Variants in DGKD observed in about 807,000 individuals in gnomAD.
DGKD encodes the protein diacylglycerol kinase delta, also known as DAG kinase delta.
A neutral mutation model predicts 154.4 loss-of-function variants in DGKD; 68 were observed. That is an observed-to-expected ratio of 0.44 (90% CI 0.36 to 0.54). The LOEUF is 0.54. Ranked by LOEUF, DGKD falls within the 20% of genes least tolerant of loss-of-function variation. The pLI, the probability that DGKD is intolerant of heterozygous loss-of-function variation, is 0.00. For missense variants in DGKD, 1,343 were observed against 1,593.6 expected, an observed-to-expected ratio of 0.84 and a Z score of 2.68; for synonymous variants, 693 against 638.0, an observed-to-expected ratio of 1.09 and a Z score of -1.30.
chr2:233,444,937 G>C (rs939375645), intron 10 of DGKD, among the ~76,000 whole-genome samples: 3 of 152,046 alleles, frequency 2.0e-5, no homozygotes, highest in African/African-American at 7.3e-5. Flanking sequence ...GCTCTGGGCA[G>C]TGGGCATTTT....
intron 27 of DGKD, among the ~76,000 whole-genome samples, 200 bp from the exon 28 acceptor site, chr2:233,466,886 G>GAAACCACTTTA (rs1374453234): frequency 1.4e-4 from 21 of 152,326 alleles, no homozygotes; most frequent in Admixed American, 8.5e-4. Flanking sequence ...TGATCACTTT[G>GAAACCACTTTA]AAACCACTTT....
rs1482434796 is a variant in DGKD at position 233,469,446 on chromosome 2, G to A, written c.3631G>A (p.Ala1211Thr). 5 of 1,601,228 alleles carry A rather than the reference G, an allele frequency of 3.1e-6. No individual in the cohort carries two copies. The South Asian group carries it at 3.4e-5, about 11-fold the overall frequency. ...CAAGGAGCTGAGCCGCAGCGCCCCC[G>A]CCGTCGAGGCCTAGCCTCTGTCCTC... ...GIKELSRSAP[A>T]VEA Residue 1211 changes from alanine (A) to threonine (T), a missense_variant, in exon 30 of 30, where the codon GCC (alanine) becomes ACC (threonine). This residue lies in a region of DGKD where 429 missense variants were observed against 496.3 expected (regional missense o/e 0.86). Transcript: ENST00000264057.
chr2:233,463,527 C>T (rs569249654), intron 26 of DGKD, among the ~76,000 whole-genome samples: 11 of 141,302 alleles, frequency 7.8e-5, no homozygotes, highest in Admixed American at 2.1e-4. Flanking sequence ...CCTCACTCCA[C>T]GCATCTCCTC....
At position 233,469,570 on chromosome 2, in the gene DGKD, C is replaced by T. The variant is rs1011663100; in HGVS notation, c.*110C>T. On this transcript the variant is annotated 3_prime_UTR_variant, in exon 30 of 30. Transcript: ENST00000264057. ...CTGCCACTGAGGCCCTGGGCAGATGCTGCAGCCCGCCCCCTTCTCATGGTG... is the reference window on the plus strand; with the variant it reads ...CTGCCACTGAGGCCCTGGGCAGATGTTGCAGCCCGCCCCCTTCTCATGGTG... 1.1e-6 allele frequency: 1 copy of T among 890,978 alleles called. No individual in the cohort carries two copies. The highest frequency in any genetic ancestry group is 1.8e-6 in the Non-Finnish European group (1 of 570,560). 55.2% of individuals were successfully genotyped at this position (890,978 alleles called of 1,614,324 possible). A position where few individuals can be genotyped will look rare whatever the true frequency, so the allele number is the denominator to read the frequency against.
At chr2:233,384,017 A>G (rs1338901981) in intron 1 of DGKD, among the ~76,000 whole-genome samples, 1 of 152,052 alleles carries the variant, frequency 6.6e-6, no homozygotes, top group Non-Finnish European at 1.5e-5. Flanking sequence ...ATATGGTGAT[A>G]ATATACATGA....
chr2:233,459,742 A>G lies in DGKD; in HGVS notation c.2695-15A>G, dbSNP rs368557765. The G allele has an allele frequency of 2.1e-5, 34 of 1,612,318 alleles. No individual in the cohort carries two copies. The highest frequency in any genetic ancestry group is 6.7e-5 in the African/African-American group (5 of 74,858). ...TTTTGGCTCAGCATGAGTAATGGCT[A>G]TGATGTCTGCTCAGTGTCGCACGGT... On this transcript the variant is annotated splice_polypyrimidine_tract_variant and intron_variant, in intron 22 of 29. Coordinates refer to ENST00000264057, the MANE Select transcript of DGKD (RefSeq NM_152879.3). The surrounding 1 kb of genome is among the most constrained non-coding windows in gnomAD (Gnocchi z 5.7).
At position 233,463,268 on chromosome 2, in the gene DGKD, C is replaced by A. The variant is rs534946035; in HGVS notation, c.3186+533C>A. Among the ~76,000 whole-genome samples, 5 of 152,232 alleles carry A rather than the reference C, an allele frequency of 3.3e-5. No individual in the cohort carries two copies. In the South Asian group the frequency reaches 1.0e-3, roughly 32 times the overall value. Reference sequence around the variant, plus strand: ...CCACTCCGCACGCCACTCACCTCCTCACTGCACGCGTCTCCTCACTGCACG... The same window carrying A: ...CCACTCCGCACGCCACTCACCTCCTAACTGCACGCGTCTCCTCACTGCACG... On this transcript the variant is annotated intron_variant, in intron 26 of 29. Transcript: ENST00000264057.
intron 1 of DGKD, among the ~76,000 whole-genome samples, chr2:233,378,824 G>A (rs1332241720): frequency 6.6e-6 from 1 of 152,154 alleles, no homozygotes. Context: ...AATAAGGGAG[G>A]CCAAGGCCTG....
At chr2:233,468,580 C>T (rs2063900592) in intron 29 of DGKD, 27 bp downstream of exon 29, 1 of 1,612,594 alleles carries the variant, frequency 6.2e-7, no homozygotes, top group Admixed American at 1.7e-5. Flanking sequence ...CTCCCTGGAA[C>T]CTGCACTTGG....
intron 1 of DGKD, among the ~76,000 whole-genome samples, chr2:233,387,652 A>G (rs1703272157): frequency 6.6e-6 from 1 of 151,860 alleles, no homozygotes; most frequent in Non-Finnish European, 1.5e-5. Context: ...GTTGGGGTGA[A>G]CTCATCAGCT....
In DGKD at chr2:233,357,798, A is replaced by G. The variant is rs1701599591; in HGVS notation, c.156+3124A>G. ...GTAATACACCCACCTCAGCCTCCCA[A>G]AGTGCTGGGATTATAAGCTTGAGCC... On this transcript the variant is annotated intron_variant, in intron 1 of 29. Coordinates refer to ENST00000264057, the MANE Select transcript of DGKD (RefSeq NM_152879.3). Among the ~76,000 whole-genome samples the G allele has an allele frequency of 2.0e-5, 3 of 152,038 alleles. No individual in the cohort carries two copies. In the South Asian group the frequency reaches 6.2e-4, roughly 32 times the overall value.
intron 3 of DGKD, among the ~76,000 whole-genome samples, chr2:233,422,808 A>G: frequency 6.6e-6 from 1 of 152,014 alleles, no homozygotes; most frequent in Non-Finnish European, 1.5e-5. Flanking sequence ...TGCAGTGGTA[A>G]CCTCTTGCAC....
At chr2:233,437,086 A>G (rs1314601258) in intron 7 of DGKD, among the ~76,000 whole-genome samples, 1 of 152,236 alleles carries the variant, frequency 6.6e-6, no homozygotes, top group Non-Finnish European at 1.5e-5. Flanking sequence ...AGTTTGAGGT[A>G]GCTGTGGTCG....
At chr2:233,404,531 G>A (rs2125494538) in intron 3 of DGKD, among the ~76,000 whole-genome samples, 1 of 152,188 alleles carries the variant, frequency 6.6e-6, no homozygotes, top group South Asian at 2.1e-4. Context: ...TCCTGCTTTG[G>A]GTGATTCTAG....
intron 1 of DGKD, among the ~76,000 whole-genome samples, chr2:233,373,652 A>G (rs1240699846): frequency 6.6e-6 from 1 of 152,226 alleles, no homozygotes; most frequent in African/African-American, 2.4e-5. Context: ...GTTTCATAAT[A>G]TCCTAATAAA....
rs1559553175 is a variant in DGKD at position 233,441,377 on chromosome 2, G to A, written c.1086-510G>A. ...GGGCTCCAGGGTGACCAGAACAAGG[G>A]CCAGGGCGGAAGCCAGACTGTGGCC... On this transcript the variant is annotated intron_variant, in intron 9 of 29. Transcript: ENST00000264057. This position sits in a 1 kb window ranked among gnomAD's most constrained non-coding sequence, Gnocchi z 5.6. Among the ~76,000 whole-genome samples the A allele has an allele frequency of 6.6e-6, 1 of 152,188 alleles. No homozygotes were observed. The highest frequency in any genetic ancestry group is 2.4e-5 in the African/African-American group (1 of 41,450).
intron 19 of DGKD, 67 bp downstream of exon 19, chr2:233,454,940 C>A (rs2063408281): frequency 2.9e-6 from 3 of 1,031,740 alleles, no homozygotes; most frequent in South Asian, 1.3e-5. Flanking sequence ...CAGACAGTAG[C>A]AGATTTCTGG....
chr2:233,469,745 G>A lies in DGKD; in HGVS notation c.*285G>A, dbSNP rs998718468. 12 of 398,842 alleles carry A rather than the reference G, an allele frequency of 3.0e-5. No individual in the cohort carries two copies. The highest frequency in any genetic ancestry group is 2.6e-4 in the South Asian group (8 of 30,414). 24.7% of individuals were successfully genotyped at this position (398,842 alleles called of 1,614,324 possible). ...CATGTGTCACGGCCACTCAGCTCTC[G>A]CCCGCCTGTGCTGTGGGCCAGGGAA... On this transcript the variant is annotated 3_prime_UTR_variant, in exon 30 of 30. Transcript: ENST00000264057.
intron 28 of DGKD, 81 bp from the exon 29 acceptor site, chr2:233,468,342 C>T (rs1333698646): frequency 1.5e-5 from 23 of 1,560,132 alleles, no homozygotes; most frequent in East Asian, 2.3e-5. Flanking sequence ...ACTGGGCTCT[C>T]GGGTGCTGGG....
Sources: gnomAD v4.1 joint callset for allele counts (sites outside exome capture counted in the v4.1 genomes callset) on GRCh38, gnomAD v4.1.1 for gene constraint, gnomAD v4.1.1 regional missense constraint, Gnocchi (gnomAD v3.1) non-coding constraint, MANE v1.5 for transcripts, NCBI Gene and HGNC (gene_info 2026-07-23, HGNC 2026-07-21) for gene names.